ANXA5: variants seen among roughly 807,000 people sequenced by gnomAD.
ANXA5 encodes the protein annexin A5, also known as CBP-I.
ANXA5 carries 40 observed loss-of-function variants against 48.1 expected under a neutral mutation model. The observed-to-expected ratio is 0.83, with a 90% CI of 0.65 to 1.08. ANXA5 has a LOEUF of 1.08. Ranked by LOEUF, ANXA5 falls within the 50% of genes least tolerant of loss-of-function variation. ANXA5 has a pLI of 0.00. For synonymous variants in ANXA5, 113 were observed against 129.1 expected, an observed-to-expected ratio of 0.88 and a Z score of 0.85; for missense variants, 357 against 376.8, an observed-to-expected ratio of 0.95 and a Z score of 0.44.
rs543284888 is a variant in ANXA5, at chr4:121,686,233, C to A, written c.94+55G>T. 9.1e-6 allele frequency: 12 copies of A among 1,319,222 alleles called. No individual in the cohort carries two copies. In the South Asian group the frequency reaches 1.5e-4, roughly 16 times the overall value. 81.7% of individuals were successfully genotyped at this position (1,319,222 alleles called of 1,614,324 possible). ...AAATTATTCTTACTGTAATTAATGA[C>A]TTGTTTGGAAAAACAAATATCACAT... On this transcript the variant is annotated intron_variant, in intron 3 of 12. Transcript: ENST00000296511.
At chr4:121,688,574 T>G (rs1329476412) in intron 2 of ANXA5, among the ~76,000 whole-genome samples, 6 of 152,198 alleles carry the variant, frequency 3.9e-5, no homozygotes, top group Admixed American at 6.5e-5. Flanking sequence ...AGAATAACTT[T>G]TTCTTCAACT....
intron 9 of ANXA5, 42 bp from the exon 10 acceptor site, chr4:121,671,684 C>T (rs1046906073): frequency 7.6e-7 from 1 of 1,320,422 alleles, no homozygotes; most frequent in African/African-American, 1.5e-5. Flanking sequence ...GTAGGGATCA[C>T]TCTTTCCAGA....
At chr4:121,679,300 C>T (rs915599545) in intron 6 of ANXA5, among the ~76,000 whole-genome samples, 1 of 152,102 alleles carries the variant, frequency 6.6e-6, no homozygotes, top group Non-Finnish European at 1.5e-5. Context: ...AAATATTAAC[C>T]ATTAAATCCT....
chr4:121,692,100 C>CT (rs1252785872), intron 2 of ANXA5, among the ~76,000 whole-genome samples: 2 of 152,088 alleles, frequency 1.3e-5, no homozygotes, highest in African/African-American at 4.8e-5. Flanking sequence ...ATTTCCTTTC[C>CT]TTTTCATGCT....
At chr4:121,678,085 C>G in intron 7 of ANXA5, 135 bp from the exon 8 acceptor site, 2 of 731,034 alleles carry the variant, frequency 2.7e-6, no homozygotes, top group Non-Finnish European at 4.8e-6. Flanking sequence ...CAATCCTGCA[C>G]TATTTCACGT....
chr4:121,687,374 T>C (rs999784576), intron 2 of ANXA5, among the ~76,000 whole-genome samples: 5 of 151,702 alleles, frequency 3.3e-5, no homozygotes, highest in African/African-American at 1.2e-4. Context: ...TACTGAGCCA[T>C]AAATGTTTAT....
intron 2 of ANXA5, among the ~76,000 whole-genome samples, chr4:121,690,058 G>A (rs918419270): frequency 1.4e-4 from 21 of 152,204 alleles, no homozygotes; most frequent in African/African-American, 5.1e-4. Context: ...GAAGGAAAGG[G>A]AAGGTGACCT....
At chr4:121,682,580 T>A (rs1002148540) in intron 5 of ANXA5, among the ~76,000 whole-genome samples, 1 of 152,138 alleles carries the variant, frequency 6.6e-6, no homozygotes, top group Non-Finnish European at 1.5e-5. Flanking sequence ...CTTTTCTCAA[T>A]AACCTCAGAT....
Position 121,696,607 on chromosome 4 carries a change from G to C in ANXA5, c.-18C>G. The C allele has an allele frequency of 1.4e-6, 2 of 1,419,956 alleles. No individual in the cohort carries two copies. The highest frequency in any genetic ancestry group is 4.9e-5 in the Admixed American group (2 of 40,604). 88.0% of individuals were successfully genotyped at this position (1,419,956 alleles called of 1,614,324 possible). ...TGTGCCATGGCGACTACTCAGGTCA[G>C]GGGAAGGTGAAGCAGGACTGCAAAA... On this transcript the variant is annotated 5_prime_UTR_variant, in exon 2 of 13. Coordinates refer to ENST00000296511, the MANE Select transcript of ANXA5 (RefSeq NM_001154.4).
rs1424258749 is a variant in ANXA5 at position 121,668,443 on chromosome 4, G to C, written c.*25C>G. 1 of 1,611,346 alleles carries C rather than the reference G, an allele frequency of 6.2e-7. No homozygotes were observed. Among genetic ancestry groups the C allele is most frequent in the East Asian group, 2.2e-5 (1 of 44,824 alleles). ...GGCAGTGGGGTGGTGCAGGCACACA[G>C]CAGGGAGCTCTTCCCCGTGACACGT... On this transcript the variant is annotated 3_prime_UTR_variant, in exon 13 of 13. Coordinates refer to ENST00000296511, the MANE Select transcript of ANXA5 (RefSeq NM_001154.4).
At chr4:121,683,782 G>A (rs142841523) in intron 4 of ANXA5, among the ~76,000 whole-genome samples, 53 of 152,046 alleles carry the variant, frequency 3.5e-4, no homozygotes, top group African/African-American at 1.2e-3. Context: ...ATACTATTCT[G>A]AGAAACATAT....
At chr4:121,680,889 T>C (rs1724782514) in intron 6 of ANXA5, among the ~76,000 whole-genome samples, 1 of 152,184 alleles carries the variant, frequency 6.6e-6, no homozygotes. Context: ...TTTTTTGCTG[T>C]TTTGACTTGC....
intron 5 of ANXA5, 134 bp from the exon 6 acceptor site, chr4:121,681,895 T>C (rs1168820197): frequency 1.7e-6 from 1 of 585,452 alleles, no homozygotes; most frequent in African/African-American, 1.9e-5. Flanking sequence ...TCTTTGTATA[T>C]GAGTTCTATT....
At chr4:121,689,732 G>A (rs1724949746) in intron 2 of ANXA5, among the ~76,000 whole-genome samples, 1 of 152,192 alleles carries the variant, frequency 6.6e-6, no homozygotes, top group South Asian at 2.1e-4. Flanking sequence ...GGAAGCCACT[G>A]GAGGACACTC....
chr4:121,694,344 C>A (rs1725042397), intron 2 of ANXA5, among the ~76,000 whole-genome samples: 1 of 151,986 alleles, frequency 6.6e-6, no homozygotes, highest in South Asian at 2.1e-4. Flanking sequence ...CCTAGTTTTG[C>A]CTTCATGACA....
At chr4:121,685,501 A>G (rs1460716521) in intron 3 of ANXA5, among the ~76,000 whole-genome samples, 1 of 152,188 alleles carries the variant, frequency 6.6e-6, no homozygotes, top group African/African-American at 2.4e-5. Context: ...GGGGAAATAC[A>G]GGGCTTTCAT....
At chr4:121,671,669 A>C in intron 9 of ANXA5, 27 bp from the exon 10 acceptor site, 1 of 1,415,494 alleles carries the variant, frequency 7.1e-7, no homozygotes, top group Non-Finnish European at 1.0e-6. Context: ...TGATTCCCTA[A>C]TCATGTAGGG....
intron 5 of ANXA5, among the ~76,000 whole-genome samples, chr4:121,683,155 ATT>A (rs760609720): frequency 3.4e-4 from 52 of 152,152 alleles, no homozygotes; most frequent in Admixed American, 1.3e-4. Flanking sequence ...GCCCAGTATT[ATT>A]GAGTTTAAAT....
intron 6 of ANXA5, 41 bp from the exon 7 acceptor site, chr4:121,678,535 A>C (rs765842815): frequency 7.3e-6 from 11 of 1,510,316 alleles, no homozygotes; most frequent in Non-Finnish European, 9.1e-6. Context: ...ATCTTCTTTC[A>C]ACTAGAAAAG....
Sources: gnomAD v4.1 joint callset for allele counts (sites outside exome capture counted in the v4.1 genomes callset) on GRCh38, gnomAD v4.1.1 for gene constraint, MANE v1.5 for transcripts, NCBI Gene and HGNC (gene_info 2026-07-23, HGNC 2026-07-21) for gene names.